The following PHF21B variants were observed in gnomAD, a reference collection of about 807,000 sequenced individuals.
PHF21B encodes PHD finger protein 21B.
PHF21B carries 22 observed loss-of-function variants against 62.2 expected under a neutral mutation model. The ratio of observed to expected loss-of-function variants is 0.35; its 90% CI spans 0.25 to 0.51. The LOEUF is 0.51. Among genes scored for constraint, PHF21B ranks in the 20% least tolerant of loss-of-function variants. The pLI is 0.97. For synonymous variants in PHF21B, 341 were observed against 314.7 expected (o/e 1.08, Z -0.88); for missense variants, 701 against 707.9 (o/e 0.99, Z 0.11).
chr22:44,898,821 G>C (rs1257378806), intron 5 of PHF21B, among the ~76,000 whole-genome samples: 1 of 152,072 alleles, frequency 6.6e-6, no homozygotes, highest in Non-Finnish European at 1.5e-5. Context: ...TGGTGTGCCC[G>C]GTGTGAAGTC....
rs2073387729 is a variant in PHF21B at position 45,009,568 on chromosome 22, A to T, written c.-19T>A. 1 of 1,560,942 alleles carries T rather than the reference A, an allele frequency of 6.4e-7. No homozygotes were observed. ...GCTCCATCCCGGCAACTTGGGCAGC[A>T]CTTTGCGCTCACTTTGGCCCGGGCT... On this transcript the variant is annotated 5_prime_UTR_variant, in exon 1 of 13. Coordinates refer to ENST00000313237, the MANE Select transcript of PHF21B (RefSeq NM_138415.5). The surrounding 1 kb of genome is among the most constrained non-coding windows in gnomAD (Gnocchi z 5.9).
intron 2 of PHF21B, among the ~76,000 whole-genome samples, chr22:44,952,539 C>T (rs1420825714): frequency 6.6e-6 from 1 of 152,192 alleles, no homozygotes; most frequent in Non-Finnish European, 1.5e-5. Flanking sequence ...TCCAAGTGGA[C>T]TGAACGATGC....
At chr22:44,931,673 C>A (rs2071745893) in intron 2 of PHF21B, among the ~76,000 whole-genome samples, 1 of 151,604 alleles carries the variant, frequency 6.6e-6, no homozygotes, top group Non-Finnish European at 1.5e-5. Flanking sequence ...GTTGTGAGGT[C>A]CCCCGTGACC....
At chr22:44,956,966 A>C (rs1281485362) in intron 2 of PHF21B, among the ~76,000 whole-genome samples, 1 of 152,158 alleles carries the variant, frequency 6.6e-6, no homozygotes, top group Non-Finnish European at 1.5e-5. Context: ...GGGAAAGAGG[A>C]GGCAGCCGTC....
At position 45,009,475 on chromosome 22, in the gene PHF21B, G is replaced by GCCCGGCC. The variant is rs1569291749; in HGVS notation, c.54+14_54+20dup. On this transcript the variant is annotated intron_variant, in intron 1 of 12. Coordinates refer to ENST00000313237, the MANE Select transcript of PHF21B (RefSeq NM_138415.5). This position sits in a 1 kb window ranked among gnomAD's most constrained non-coding sequence, Gnocchi z 5.9. The stretch of plus-strand genomic sequence containing the variant: ...CCCGCAACACACTCCCCGGCCCCGG[G>GCCCGGCC]CCCGGCCCCCGGCCACCTACCTGGT... The GCCCGGCC allele has an allele frequency of 4.6e-6, 7 of 1,529,500 alleles. No individual in the cohort carries two copies. Among genetic ancestry groups the GCCCGGCC allele is most frequent in the East Asian group, 2.5e-5 (1 of 40,240 alleles). 94.7% of individuals were successfully genotyped at this position (1,529,500 alleles called of 1,614,324 possible).
rs142181096 is a variant in PHF21B, at chr22:44,908,389, G to A, written c.831+5433C>T. On this transcript the variant is annotated intron_variant, in intron 5 of 12. Transcript: ENST00000313237. ...ACACCCTCCTAGGTGGTCTTATCTCGTTCTGCTGTTCCCCACATGGGCCTT... is the reference window on the plus strand; with the variant it reads ...ACACCCTCCTAGGTGGTCTTATCTCATTCTGCTGTTCCCCACATGGGCCTT... Among the ~76,000 whole-genome samples, 317 of 152,234 alleles carry A rather than the reference G, an allele frequency of 2.1e-3. 2 individuals are homozygous for A. Among genetic ancestry groups the A allele is most frequent in the African/African-American group, 7.2e-3 (300 of 41,526 alleles).
At chr22:44,968,635 T>G (rs984579484) in intron 2 of PHF21B, among the ~76,000 whole-genome samples, 2 of 95,894 alleles carry the variant, frequency 2.1e-5, no homozygotes, top group East Asian at 2.9e-4. Flanking sequence ...CAGAGTGAGA[T>G]TCCATCTCAA....
chr22:44,906,340 A>G (rs1160108809), intron 5 of PHF21B, among the ~76,000 whole-genome samples: 2 of 152,200 alleles, frequency 1.3e-5, no homozygotes, highest in Non-Finnish European at 2.9e-5. Flanking sequence ...GCGAATAGAC[A>G]GGGAGGAAGC....
chr22:44,998,253 G>A (rs1321682483), intron 2 of PHF21B, among the ~76,000 whole-genome samples: 1 of 152,156 alleles, frequency 6.6e-6, no homozygotes, highest in Non-Finnish European at 1.5e-5. Flanking sequence ...GTCCTTTCTT[G>A]GCAGTCCTGT....
chr22:44,958,289 G>A (rs1473410519), intron 2 of PHF21B, among the ~76,000 whole-genome samples: 1 of 152,154 alleles, frequency 6.6e-6, no homozygotes, highest in Non-Finnish European at 1.5e-5. Flanking sequence ...TACACAGTGA[G>A]GGTCTAGTCG....
At chr22:44,988,872 C>T (rs1366688719) in intron 2 of PHF21B, among the ~76,000 whole-genome samples, 1 of 152,166 alleles carries the variant, frequency 6.6e-6, no homozygotes, top group African/African-American at 2.4e-5. Context: ...CGTGGAGGGC[C>T]CCAGCAGATG....
At chr22:44,895,800 A>C (rs889855981) in intron 6 of PHF21B, among the ~76,000 whole-genome samples, 1 of 152,126 alleles carries the variant, frequency 6.6e-6, no homozygotes, top group Non-Finnish European at 1.5e-5. Context: ...GTCTTTGATG[A>C]CAGCCACCCA....
rs767144629 is a variant in PHF21B, at chr22:44,888,005, C to A, written c.1155G>T (p.Thr385=). The A allele has an allele frequency of 6.4e-7, 1 of 1,571,058 alleles. No individual in the cohort carries two copies. The highest frequency in any genetic ancestry group is 1.2e-5 in the South Asian group (1 of 84,882). The change falls in exon 10 of 13, where the codon ACG becomes ACT. Residue 385 remains threonine, a synonymous_variant. Coordinates refer to ENST00000313237, the MANE Select transcript of PHF21B (RefSeq NM_138415.5). ...HLSCLEPPLK[T]APKGVWVCPR... ...GGCACACCCACACGCCCTTGGGCGC[C>A]GTCTTGAGGGGCGGCTCCAGGCAGC...
At chr22:45,005,794 T>C (rs1569288766) in intron 2 of PHF21B, among the ~76,000 whole-genome samples, 1 of 152,202 alleles carries the variant, frequency 6.6e-6, no homozygotes, top group Non-Finnish European at 1.5e-5. Context: ...GGAGATGGTA[T>C]AAGCGTTTCC....
chr22:44,935,096 C>T (rs898956266), intron 2 of PHF21B, among the ~76,000 whole-genome samples: 23 of 152,204 alleles, frequency 1.5e-4, no homozygotes, highest in African/African-American at 2.9e-4. Context: ...AAAAGGATCA[C>T]GGCAATCGGT....
At chr22:44,980,235 T>G (rs1258518670) in intron 2 of PHF21B, among the ~76,000 whole-genome samples, 1 of 152,174 alleles carries the variant, frequency 6.6e-6, no homozygotes, top group Non-Finnish European at 1.5e-5. Context: ...TTCTGCAGGA[T>G]GTCAGCATGT....
At chr22:44,920,332 G>T (rs1014068432) in intron 3 of PHF21B, 66 bp downstream of exon 3, 2 of 1,356,806 alleles carry the variant, frequency 1.5e-6, no homozygotes, top group African/African-American at 1.5e-5. Context: ...AGTGCTGAGG[G>T]GTTAGGAACA....
chr22:44,944,579 G>T (rs575502597), intron 2 of PHF21B, among the ~76,000 whole-genome samples: 15 of 152,312 alleles, frequency 9.8e-5, no homozygotes, highest in African/African-American at 3.4e-4. Context: ...TTCCTAAGAT[G>T]CCAGGCCAAG....
At chr22:44,896,562 A>G (rs1043581329) in intron 5 of PHF21B, among the ~76,000 whole-genome samples, 20 of 152,230 alleles carry the variant, frequency 1.3e-4, no homozygotes, top group Non-Finnish European at 2.8e-4. Context: ...GTCACATAAC[A>G]CGTCACTGGT....
Sources: allele counts gnomAD v4.1 joint callset (sites outside exome capture counted in the v4.1 genomes callset), GRCh38; gene constraint gnomAD v4.1.1; non-coding constraint Gnocchi (gnomAD v3.1); transcripts MANE v1.5; gene names NCBI Gene and HGNC (gene_info 2026-07-23, HGNC 2026-07-21).